Variants in KCNN2 observed in about 807,000 individuals in gnomAD.
KCNN2 encodes potassium calcium-activated channel subfamily N member 2.
Under a neutral mutation model 55.5 loss-of-function variants are expected in KCNN2, and 24 were observed. That is an observed-to-expected ratio of 0.43 (90% CI 0.31 to 0.61). KCNN2 has a LOEUF of 0.61. Among genes scored for constraint, KCNN2 ranks in the 20% least tolerant of loss-of-function variants. The pLI is 0.08. For missense variants in KCNN2, 754 were observed against 853.6 expected (o/e 0.88, Z 1.45); for synonymous variants, 431 against 336.1 (o/e 1.28, Z -3.09).
intron 1 of KCNN2, among the ~76,000 whole-genome samples, chr5:114,064,284 G>A (rs1480629364): frequency 6.6e-6 from 1 of 152,190 alleles, no homozygotes; most frequent in Non-Finnish European, 1.5e-5. Context: ...ATCCCTTTGG[G>A]TCCTGCTGCT....
At chr5:114,152,738 G>C (rs919991819) in intron 1 of KCNN2, among the ~76,000 whole-genome samples, 1 of 152,160 alleles carries the variant, frequency 6.6e-6, no homozygotes, top group Non-Finnish European at 1.5e-5. Context: ...TTTGATCAGA[G>C]ATCTAAAGGA....
chr5:114,080,271 T>C (rs973963906), intron 1 of KCNN2, among the ~76,000 whole-genome samples: 11 of 152,214 alleles, frequency 7.2e-5, no homozygotes, highest in Admixed American at 3.3e-4. Flanking sequence ...TAGAACTTAT[T>C]GCACATTCCT....
At chr5:114,289,158 A>T (rs1189136244) in intron 2 of KCNN2, among the ~76,000 whole-genome samples, 1 of 152,102 alleles carries the variant, frequency 6.6e-6, no homozygotes, top group East Asian at 1.9e-4. Context: ...TAGTAATAGA[A>T]GTATGGGTTT....
intron 1 of KCNN2, 32 bp downstream of exon 1, chr5:114,363,293 G>A (rs1489200847): frequency 6.5e-7 from 1 of 1,546,358 alleles, no homozygotes; most frequent in South Asian, 1.2e-5. Context: ...CACGCTACCG[G>A]AGTCGGGCAC....
chr5:114,284,365 T>A (rs1213204368), intron 2 of KCNN2, among the ~76,000 whole-genome samples: 3 of 152,182 alleles, frequency 2.0e-5, no homozygotes, highest in African/African-American at 7.2e-5. Flanking sequence ...TTTTAAAAAA[T>A]TTCTGTTTTA....
At chr5:114,125,283 G>C (rs544094733) in intron 1 of KCNN2, among the ~76,000 whole-genome samples, 1 of 152,308 alleles carries the variant, frequency 6.6e-6, no homozygotes, top group Non-Finnish European at 1.5e-5. Flanking sequence ...AAACTGTGTA[G>C]CACTTTTCTT....
intron 2 of KCNN2, among the ~76,000 whole-genome samples, chr5:114,334,947 T>C (rs1173179124): frequency 2.0e-5 from 3 of 152,046 alleles, no homozygotes; most frequent in Non-Finnish European, 4.4e-5. Context: ...TTTTTTAGAC[T>C]GAGTCTCGCT....
intron 2 of KCNN2, among the ~76,000 whole-genome samples, chr5:114,300,613 G>T (rs1580706153): frequency 6.6e-6 from 1 of 152,114 alleles, no homozygotes. Flanking sequence ...AAGAAGAAAA[G>T]GAAAAGAGAA....
intron 1 of KCNN2, among the ~76,000 whole-genome samples, chr5:114,195,577 T>C (rs969420505): frequency 1.3e-5 from 2 of 152,008 alleles, no homozygotes; most frequent in Non-Finnish European, 2.9e-5. Context: ...AATAGTCTTT[T>C]ATTTATATTA....
At chr5:114,326,993 A>T (rs1756726445) in intron 2 of KCNN2, among the ~76,000 whole-genome samples, 1 of 152,236 alleles carries the variant, frequency 6.6e-6, no homozygotes, top group Non-Finnish European at 1.5e-5. Flanking sequence ...TTGTTCAAAA[A>T]GCAGACAGAT....
At chr5:114,242,984 A>C (rs1463077986) in intron 2 of KCNN2, among the ~76,000 whole-genome samples, 1 of 137,768 alleles carries the variant, frequency 7.3e-6, no homozygotes, top group East Asian at 2.2e-4. Flanking sequence ...AATACTGATT[A>C]GACAGGGAAA....
intron 1 of KCNN2, among the ~76,000 whole-genome samples, chr5:114,170,505 G>T (rs1753010880): frequency 6.6e-6 from 1 of 151,892 alleles, no homozygotes; most frequent in African/African-American, 2.4e-5. Flanking sequence ...TTTTTTCAAA[G>T]GAAAAGCTTT....
At chr5:114,240,597 A>G (rs1311126121) in intron 2 of KCNN2, among the ~76,000 whole-genome samples, 9 of 151,926 alleles carry the variant, frequency 5.9e-5, no homozygotes, top group Non-Finnish European at 2.9e-5. Context: ...ATGCCCGTCT[A>G]ATTTTTGTAT....
intron 1 of KCNN2, among the ~76,000 whole-genome samples, chr5:114,128,199 A>G (rs1216102297): frequency 1.3e-5 from 2 of 152,176 alleles, no homozygotes; most frequent in East Asian, 1.9e-4. Context: ...CTGCTAATAA[A>G]GACATACTCA....
intron 1 of KCNN2, among the ~76,000 whole-genome samples, chr5:114,177,511 A>T (rs10050939): frequency 0.47 from 71,444 of 151,182 alleles, 17,170 homozygotes; most frequent in East Asian, 0.78. Context: ...ATATATATAT[A>T]TTTTTTCCAT....
intron 2 of KCNN2, among the ~76,000 whole-genome samples, chr5:114,288,923 T>C (rs1755822804): frequency 6.6e-6 from 1 of 152,156 alleles, no homozygotes; most frequent in African/African-American, 2.4e-5. Context: ...TATCTAAGAA[T>C]GTATTGCCAA....
At chr5:114,069,678 A>G (rs543217983) in intron 1 of KCNN2, among the ~76,000 whole-genome samples, 83 of 152,306 alleles carry the variant, frequency 5.4e-4, no homozygotes, top group Middle Eastern at 3.4e-3. Flanking sequence ...TTGACTACCT[A>G]TGATTTTCCA....
At chr5:114,092,113 A>G (rs935902054) in intron 1 of KCNN2, among the ~76,000 whole-genome samples, 1 of 152,192 alleles carries the variant, frequency 6.6e-6, no homozygotes, top group African/African-American at 2.4e-5. Flanking sequence ...AGCCTGTAAA[A>G]TCAAAAGCCA....
chr5:114,095,313 G>C (rs1368654426), intron 1 of KCNN2, among the ~76,000 whole-genome samples: 1 of 152,160 alleles, frequency 6.6e-6, no homozygotes, highest in Non-Finnish European at 1.5e-5. Context: ...TTCTGGCACT[G>C]TGCCTTATCT....
Sources: allele counts gnomAD v4.1 joint callset (sites outside exome capture counted in the v4.1 genomes callset), GRCh38; gene constraint gnomAD v4.1.1; transcripts MANE v1.5; gene names NCBI Gene and HGNC (gene_info 2026-07-23, HGNC 2026-07-21).